Variants in DPP10 observed in about 807,000 individuals in gnomAD.
DPP10 encodes the protein inactive dipeptidyl peptidase 10.
A neutral mutation model predicts 120.9 loss-of-function variants in DPP10; 33 were observed. The ratio of observed to expected loss-of-function variants is 0.27; its 90% confidence interval spans 0.21 to 0.37. DPP10 has a LOEUF of 0.37. Among genes scored for constraint, DPP10 ranks in the 10% least tolerant of loss-of-function variants. The pLI is 1.00. For missense variants in DPP10, 816 were observed against 942.8 expected (o/e 0.87, Z 1.76); for synonymous variants, 337 against 326.1 (o/e 1.03, Z -0.36).
intron 1 of DPP10, among the ~76,000 whole-genome samples, chr2:114,854,814 T>A (rs1689246894): frequency 6.6e-6 from 1 of 152,194 alleles, no homozygotes; most frequent in Non-Finnish European, 1.5e-5. Flanking sequence ...TGAAAATGAA[T>A]CTATTCTTAT....
chr2:115,643,039 T>C (rs1031659027), intron 5 of DPP10, among the ~76,000 whole-genome samples: 2 of 152,240 alleles, frequency 1.3e-5, no homozygotes, highest in Non-Finnish European at 2.9e-5. Context: ...CATTATGAAG[T>C]CATTTAAATT....
chr2:114,732,163 C>T (rs1359804380), intron 1 of DPP10, among the ~76,000 whole-genome samples: 2 of 152,162 alleles, frequency 1.3e-5, no homozygotes, highest in Non-Finnish European at 2.9e-5. Context: ...ATTCCCTATA[C>T]ATAGCTATCA....
chr2:114,862,692 A>G (rs1034255229), intron 1 of DPP10, among the ~76,000 whole-genome samples: 2 of 152,216 alleles, frequency 1.3e-5, no homozygotes, highest in South Asian at 4.1e-4. Flanking sequence ...ACAACAGATA[A>G]TCAGTTGGAA....
chr2:115,130,305 T>C (rs1183135854), intron 1 of DPP10, among the ~76,000 whole-genome samples: 3 of 152,224 alleles, frequency 2.0e-5, no homozygotes, highest in Admixed American at 2.0e-4. Flanking sequence ...TTCAGTTGTC[T>C]GGTCTCTCTG....
At chr2:115,381,722 T>G (rs151312805) in intron 3 of DPP10, among the ~76,000 whole-genome samples, 12,502 of 152,236 alleles carry the variant, frequency 0.082, 559 homozygotes, top group African/African-American at 0.11. Context: ...GATCTACAGG[T>G]GGGTTTTTGG....
At chr2:114,635,797 T>C (rs1695261371) in intron 1 of DPP10, among the ~76,000 whole-genome samples, 1 of 151,992 alleles carries the variant, frequency 6.6e-6, no homozygotes, top group Non-Finnish European at 1.5e-5. Flanking sequence ...ATTTTAAAAA[T>C]ATTTTTAATT....
intron 1 of DPP10, among the ~76,000 whole-genome samples, chr2:115,286,898 A>G (rs1213912135): frequency 1.3e-5 from 2 of 151,928 alleles, no homozygotes; most frequent in Non-Finnish European, 2.9e-5. Context: ...ATATACTACA[A>G]AACAGTTGTG....
At chr2:114,769,333 A>C (rs1340585109) in intron 1 of DPP10, among the ~76,000 whole-genome samples, 2 of 152,084 alleles carry the variant, frequency 1.3e-5, no homozygotes, top group Non-Finnish European at 2.9e-5. Flanking sequence ...TTTGTACCGG[A>C]AAATCTGCAA....
intron 1 of DPP10, among the ~76,000 whole-genome samples, chr2:114,998,537 TGAGA>T (rs1701242028): frequency 6.6e-6 from 1 of 152,208 alleles, no homozygotes; most frequent in African/African-American, 2.4e-5. Flanking sequence ...TGGAATGACC[TGAGA>T]GAGAGGACTG....
At chr2:115,460,269 C>T (rs577678379) in intron 3 of DPP10, among the ~76,000 whole-genome samples, 5 of 151,998 alleles carry the variant, frequency 3.3e-5, no homozygotes, top group Non-Finnish European at 7.4e-5. Context: ...TTTTTCATAA[C>T]GACCTGCAAA....
chr2:115,419,150 A>C (rs1374403190), intron 3 of DPP10, among the ~76,000 whole-genome samples: 3 of 152,200 alleles, frequency 2.0e-5, no homozygotes, highest in African/African-American at 7.2e-5. Flanking sequence ...CCATCACAGC[A>C]TAGTAAGTTT....
At chr2:115,284,010 T>C (rs2060265907) in intron 1 of DPP10, among the ~76,000 whole-genome samples, 1 of 152,040 alleles carries the variant, frequency 6.6e-6, no homozygotes, top group Non-Finnish European at 1.5e-5. Context: ...AGCCTAACGA[T>C]GGACTTCTCA....
At chr2:115,623,281 T>TCCC (rs1171285232) in intron 5 of DPP10, among the ~76,000 whole-genome samples, 2 of 152,156 alleles carry the variant, frequency 1.3e-5, no homozygotes, top group Non-Finnish European at 2.9e-5. Flanking sequence ...AGCCTCTGCT[T>TCCC]TAGCGAATCA....
At chr2:115,124,309 A>T (rs1391547352) in intron 1 of DPP10, among the ~76,000 whole-genome samples, 1 of 152,184 alleles carries the variant, frequency 6.6e-6, no homozygotes, top group Non-Finnish European at 1.5e-5. Flanking sequence ...AAATTCCAAA[A>T]TTATTGACAT....
intron 1 of DPP10, among the ~76,000 whole-genome samples, chr2:115,231,163 T>C (rs189305027): frequency 1.0e-3 from 152 of 151,980 alleles, no homozygotes; most frequent in African/African-American, 3.4e-3. Flanking sequence ...AATTCTGTAG[T>C]AGAAAAAAAA....
intron 3 of DPP10, among the ~76,000 whole-genome samples, chr2:115,439,914 T>G (rs2071868911): frequency 6.6e-6 from 1 of 152,154 alleles, no homozygotes; most frequent in South Asian, 2.1e-4. Flanking sequence ...TAGGCCGCCT[T>G]TCTAAAGTCT....
intron 1 of DPP10, among the ~76,000 whole-genome samples, chr2:114,822,969 A>G (rs1040846096): frequency 5.9e-5 from 9 of 152,160 alleles, no homozygotes; most frequent in African/African-American, 2.2e-4. Flanking sequence ...AAATTTTCTC[A>G]CATTTTCCTA....
chr2:114,943,519 G>A (rs1428441934), intron 1 of DPP10, among the ~76,000 whole-genome samples: 1 of 152,076 alleles, frequency 6.6e-6, no homozygotes, highest in Non-Finnish European at 1.5e-5. Context: ...TGATCCACCT[G>A]CCTCGGCCTC....
rs1254395507 is a variant in DPP10 at position 115,378,033 on chromosome 2, C to T, written c.271+34121C>T. Among the ~76,000 whole-genome samples the T allele has an allele frequency of 4.0e-5, 6 of 151,850 alleles. No individual in the cohort carries two copies. In the East Asian group the frequency reaches 5.8e-4, roughly 15 times the overall value. On this transcript the variant is annotated intron_variant, in intron 3 of 25. Transcript: ENST00000410059. ...TTGGCTTAGGATTGACTTGGCGATG[C>T]GGGCTGTTTTTTGGTTCCATATGAA...
Sources: allele counts gnomAD v4.1 joint callset (sites outside exome capture counted in the v4.1 genomes callset), GRCh38; gene constraint gnomAD v4.1.1; transcripts MANE v1.5; gene names NCBI Gene and HGNC (gene_info 2026-07-23, HGNC 2026-07-21).